OPCML: variants seen among roughly 807,000 people sequenced by gnomAD.
OPCML encodes the protein opioid-binding protein/cell adhesion molecule.
Under a neutral mutation model 37.8 loss-of-function variants are expected in OPCML, and 13 were observed. The ratio of observed to expected loss-of-function variants is 0.34; its 90% CI spans 0.22 to 0.55. The LOEUF (loss-of-function observed/expected upper bound fraction) is 0.55. OPCML is among the 20% of genes least tolerant of loss of function. The probability of loss-of-function intolerance (pLI) is 0.91; values close to 1 mark genes in which losing one functional copy is unlikely to be tolerated. For missense variants in OPCML, 341 were observed against 435.6 expected (o/e 0.78, Z 1.93); for synonymous variants, 176 against 168.8 (o/e 1.04, Z -0.33).
rs75246688 is a variant in OPCML at position 132,462,158 on chromosome 11, C to T, written c.506-24799G>A. 4.6e-5 allele frequency among the ~76,000 whole-genome samples: 7 copies of T among 152,230 alleles called. No homozygotes were observed. The East Asian group carries it at 5.8e-4, about 13-fold the overall frequency. On this transcript the variant is annotated intron_variant, in intron 4 of 7. Transcript: ENST00000524381. ...GAATAGAATAGAATAAGTAGCAGTACGTGCAACTAGTGTCCACTGGAGAAT... is the reference window on the plus strand; with the variant it reads ...GAATAGAATAGAATAAGTAGCAGTATGTGCAACTAGTGTCCACTGGAGAAT...
At chr11:133,383,356 C>T (rs994288353) in intron 1 of OPCML, among the ~76,000 whole-genome samples, 4 of 152,126 alleles carry the variant, frequency 2.6e-5, no homozygotes, top group African/African-American at 4.8e-5. Context: ...CTGATCACAT[C>T]GTTGTCCTGA....
At chr11:132,573,556 T>G (rs2137580765) in intron 3 of OPCML, among the ~76,000 whole-genome samples, 1 of 152,104 alleles carries the variant, frequency 6.6e-6, no homozygotes, top group South Asian at 2.1e-4. Context: ...GTGTATCACA[T>G]TAATTTATTT....
At chr11:133,388,213 A>G (rs1945099000) in intron 1 of OPCML, among the ~76,000 whole-genome samples, 1 of 152,208 alleles carries the variant, frequency 6.6e-6, no homozygotes, top group Non-Finnish European at 1.5e-5. Context: ...AATAACTATA[A>G]TCATGATATG....
rs529941420 is a variant in OPCML at position 132,897,139 on chromosome 11, T to A, written c.146+45787A>T. Among the ~76,000 whole-genome samples, 4 of 152,286 alleles carry A rather than the reference T, an allele frequency of 2.6e-5. No individual in the cohort carries two copies. In the East Asian group the frequency reaches 7.8e-4, roughly 30 times the overall value. Reference sequence around the variant, plus strand: ...ATATGACCCAGCAGATCCAATGATATCCAAGATGTCAGTGGCAGATAGCGA... The same window carrying A: ...ATATGACCCAGCAGATCCAATGATAACCAAGATGTCAGTGGCAGATAGCGA... On this transcript the variant is annotated intron_variant, in intron 2 of 7. Transcript: ENST00000524381.
intron 1 of OPCML, among the ~76,000 whole-genome samples, chr11:133,101,331 G>A (rs1381635740): frequency 6.6e-6 from 1 of 152,188 alleles, no homozygotes; most frequent in Non-Finnish European, 1.5e-5. Context: ...GACTCTATCA[G>A]GAGATTGAGA....
intron 2 of OPCML, among the ~76,000 whole-genome samples, chr11:132,828,414 A>T (rs925077535): frequency 1.3e-5 from 2 of 152,168 alleles, no homozygotes; most frequent in Non-Finnish European, 2.9e-5. Flanking sequence ...TGATGTGCCA[A>T]TGTTGGTTTA....
chr11:133,327,006 T>C (rs1943485874), intron 1 of OPCML, among the ~76,000 whole-genome samples: 1 of 113,406 alleles, frequency 8.8e-6, no homozygotes, highest in South Asian at 3.3e-4. Context: ...GGTGTGGGTG[T>C]ATGGGGAGGG....
chr11:132,941,452 G>A (rs1430881558), intron 2 of OPCML, among the ~76,000 whole-genome samples: 1 of 152,196 alleles, frequency 6.6e-6, no homozygotes, highest in East Asian at 1.9e-4. Flanking sequence ...AATATTTACT[G>A]ACATTTTCTT....
chr11:132,975,802 G>A lies in OPCML; in HGVS notation c.62-32792C>T, dbSNP rs370052409. ...CTTTTTTGTTTTGAGATGGAGTCTC[G>A]CTCTGTCTCCCAGGCTGGAGTGCAG... On this transcript the variant is annotated intron_variant, in intron 1 of 7. Transcript: ENST00000524381. 7.9e-5 allele frequency among the ~76,000 whole-genome samples: 12 copies of A among 151,846 alleles called. 1 individual carries two copies. The highest frequency in any genetic ancestry group is 3.9e-4 in the East Asian group (2 of 5,146).
intron 1 of OPCML, among the ~76,000 whole-genome samples, chr11:133,429,591 CA>C (rs1166540741): frequency 6.6e-6 from 1 of 152,120 alleles, no homozygotes; most frequent in Non-Finnish European, 1.5e-5. Flanking sequence ...ATATGATGAA[CA>C]AAGTAGCAGT....
At chr11:132,505,857 C>T (rs1487240460) in intron 4 of OPCML, among the ~76,000 whole-genome samples, 2 of 150,898 alleles carry the variant, frequency 1.3e-5, no homozygotes, top group Admixed American at 6.6e-5. Flanking sequence ...CAGAACCAAC[C>T]ATTAAATATT....
chr11:133,468,648 C>G (rs1947030150), intron 1 of OPCML, among the ~76,000 whole-genome samples: 1 of 152,204 alleles, frequency 6.6e-6, no homozygotes, highest in South Asian at 2.1e-4. Flanking sequence ...TGACTGAGAG[C>G]CCTTGCGGGC....
intron 2 of OPCML, among the ~76,000 whole-genome samples, chr11:132,824,846 G>A (rs1940204540): frequency 6.6e-6 from 1 of 152,134 alleles, no homozygotes; most frequent in Non-Finnish European, 1.5e-5. Context: ...CCTGCTGCCT[G>A]TTCTTTCACC....
At chr11:132,445,956 G>T (rs1004249415) in intron 4 of OPCML, among the ~76,000 whole-genome samples, 1 of 152,096 alleles carries the variant, frequency 6.6e-6, no homozygotes, top group South Asian at 2.1e-4. Flanking sequence ...TCAGGAAAAA[G>T]AAATCTTGTG....
At chr11:133,270,630 CA>C in intron 1 of OPCML, among the ~76,000 whole-genome samples, 1 of 152,164 alleles carries the variant, frequency 6.6e-6, no homozygotes, top group Non-Finnish European at 1.5e-5. Flanking sequence ...CACTGGCTGA[CA>C]GAGTGGAAAC....
intron 1 of OPCML, among the ~76,000 whole-genome samples, chr11:133,338,585 C>T (rs1316042045): frequency 6.6e-6 from 1 of 152,166 alleles, no homozygotes; most frequent in Non-Finnish European, 1.5e-5. Flanking sequence ...CTGGACTTAC[C>T]ACAAAAAGGC....
chr11:133,195,999 G>C (rs773494681), intron 1 of OPCML, among the ~76,000 whole-genome samples: 1 of 152,174 alleles, frequency 6.6e-6, no homozygotes, highest in African/African-American at 2.4e-5. Context: ...TAAATTTAAG[G>C]TAGTGAGTTG....
chr11:132,855,804 G>A (rs118148068), intron 2 of OPCML, among the ~76,000 whole-genome samples: 1 of 152,294 alleles, frequency 6.6e-6, no homozygotes, highest in East Asian at 1.9e-4. Flanking sequence ...GTTGTGTTTA[G>A]GGTAATGTGT....
chr11:133,521,009 A>G (rs56151569), intron 1 of OPCML, among the ~76,000 whole-genome samples: 9,768 of 152,112 alleles, frequency 0.064, 368 homozygotes, highest in South Asian at 0.098. Flanking sequence ...CATGCACTCC[A>G]CTGCTAGTTA....
Sources: allele counts gnomAD v4.1 joint callset (sites outside exome capture counted in the v4.1 genomes callset), GRCh38; gene constraint gnomAD v4.1.1; transcripts MANE v1.5; gene names NCBI Gene and HGNC (gene_info 2026-07-23, HGNC 2026-07-21).